The following RNF180 variants were observed in gnomAD, a reference collection of about 807,000 sequenced individuals.
RNF180 encodes the protein ring finger protein 180, also known as E3 ubiquitin-protein ligase RNF180.
A neutral mutation model predicts 59.2 loss-of-function variants in RNF180; 38 were observed. The observed-to-expected ratio is 0.64, with a 90% CI of 0.50 to 0.84. The LOEUF is 0.84. Ranked by LOEUF, RNF180 falls within the 40% of genes least tolerant of loss-of-function variation. The probability of loss-of-function intolerance (pLI) is 0.00; values close to 1 mark genes in which losing one functional copy is unlikely to be tolerated. For synonymous variants in RNF180, 262 were observed against 240.3 expected, an observed-to-expected ratio of 1.09 and a Z score of -0.84; for missense variants, 705 against 700.9, an observed-to-expected ratio of 1.01 and a Z score of -0.07.
intron 1 of RNF180, among the ~76,000 whole-genome samples, chr5:64,180,116 G>A (rs1327740600): frequency 6.6e-6 from 1 of 152,078 alleles, no homozygotes; most frequent in East Asian, 1.9e-4. Context: ...AGAATTAATT[G>A]TAGCTATTAA....
Position 64,194,274 on chromosome 5 carries a change from G to A in RNF180, c.1-6534G>A, listed in dbSNP as rs533541713. ...GCAGTGTTTGGTTTTTTGTCCTTGC[G>A]ATAGTTTGCTGAGAATGATGGTTTC... is the stretch of plus-strand genomic sequence containing the variant. On this transcript the variant is annotated intron_variant, in intron 1 of 7. Transcript: ENST00000389100. Among the ~76,000 whole-genome samples the A allele has an allele frequency of 1.6e-3, 240 of 152,040 alleles. 1 individual carries two copies. Among genetic ancestry groups the A allele is most frequent in the African/African-American group, 5.4e-3 (223 of 41,454 alleles).
intron 2 of RNF180, among the ~76,000 whole-genome samples, chr5:64,202,836 A>G (rs553928823): frequency 9.9e-5 from 15 of 152,184 alleles, no homozygotes; most frequent in Non-Finnish European, 2.1e-4. Flanking sequence ...TATCATCTCC[A>G]TTTGCTAGAT....
chr5:64,359,577 C>T (rs1336937699), intron 7 of RNF180, among the ~76,000 whole-genome samples: 3 of 151,798 alleles, frequency 2.0e-5, no homozygotes, highest in East Asian at 1.9e-4. Flanking sequence ...TTCTCCCATT[C>T]TGTAGGTTGC....
intron 5 of RNF180, among the ~76,000 whole-genome samples, chr5:64,305,632 G>A (rs975945165): frequency 2.6e-5 from 4 of 151,396 alleles, no homozygotes; most frequent in Non-Finnish European, 4.4e-5. Flanking sequence ...ACATATTTCA[G>A]ACTATGTTAC....
rs1171637074 is a variant in RNF180 at position 64,234,578 on chromosome 5, CTTTTTTTTTTTTTTTTTTTT to C, written c.1227+17202_1227+17221del. ...GCTTTCCAAATGGCAGTTACCCGTTCTTTTTTTTTTTTTTTTTTTTTTTTTTTTTTTTTTTTTTTGAGAAG... is the reference window on the plus strand; with the variant it reads ...GCTTTCCAAATGGCAGTTACCCGTTCTTTTTTTTTTTTTTTTTTTGAGAAG... On this transcript the variant is annotated intron_variant, in intron 5 of 7. Transcript: ENST00000389100. 2.9e-4 allele frequency among the ~76,000 whole-genome samples: 14 copies of C among 48,522 alleles called. No individual in the cohort carries two copies. In the East Asian group the frequency reaches 3.1e-3, roughly 11 times the overall value. 31.8% of individuals were successfully genotyped at this position (48,522 alleles called of 152,430 possible).
chr5:64,359,711 A>G (rs1386179905), intron 7 of RNF180, among the ~76,000 whole-genome samples: 2 of 151,854 alleles, frequency 1.3e-5, no homozygotes, highest in African/African-American at 2.4e-5. Context: ...GTCCTTGCCC[A>G]TGCCTATGTC....
At chr5:64,185,682 A>G (rs1391509464) in intron 1 of RNF180, among the ~76,000 whole-genome samples, 2 of 152,200 alleles carry the variant, frequency 1.3e-5, no homozygotes, top group African/African-American at 4.8e-5. Context: ...CCACAAATTC[A>G]TTTCAGCAAC....
intron 5 of RNF180, among the ~76,000 whole-genome samples, chr5:64,320,177 T>G (rs755255065): frequency 1.2e-4 from 18 of 152,338 alleles, no homozygotes; most frequent in Non-Finnish European, 2.5e-4. Flanking sequence ...GTGAACATTA[T>G]AATTGTTACT....
At chr5:64,276,583 G>A (rs539448013) in intron 5 of RNF180, among the ~76,000 whole-genome samples, 3 of 151,980 alleles carry the variant, frequency 2.0e-5, no homozygotes, top group Admixed American at 2.0e-4. Flanking sequence ...TGCTGGGGAG[G>A]CTGAAAAATG....
intron 5 of RNF180, among the ~76,000 whole-genome samples, chr5:64,232,774 G>T (rs1411680372): frequency 6.6e-6 from 1 of 152,182 alleles, no homozygotes; most frequent in Non-Finnish European, 1.5e-5. Flanking sequence ...TGTCTACTGT[G>T]TGCCAGGTAC....
chr5:64,183,446 T>G (rs913139708), intron 1 of RNF180, among the ~76,000 whole-genome samples: 1 of 135,216 alleles, frequency 7.4e-6, no homozygotes, highest in Non-Finnish European at 1.6e-5. Context: ...TATACCTTTT[T>G]TTTTTTTTTT....
At chr5:64,339,028 G>T (rs1368561884) in intron 7 of RNF180, among the ~76,000 whole-genome samples, 1 of 150,892 alleles carries the variant, frequency 6.6e-6, no homozygotes, top group African/African-American at 2.4e-5. Context: ...ATATCTTTTT[G>T]CTGAGAATTT....
At chr5:64,197,515 A>G (rs959009241) in intron 1 of RNF180, among the ~76,000 whole-genome samples, 7 of 152,222 alleles carry the variant, frequency 4.6e-5, no homozygotes, top group Admixed American at 3.9e-4. Flanking sequence ...AATGGTGACA[A>G]TCTATACTAG....
chr5:64,250,741 G>A (rs1743512953), intron 5 of RNF180, among the ~76,000 whole-genome samples: 1 of 152,070 alleles, frequency 6.6e-6, no homozygotes, highest in African/African-American at 2.4e-5. Context: ...AAAAGCCTAG[G>A]ACCTGATGGC....
At chr5:64,335,733 C>T (rs1745098199) in intron 7 of RNF180, among the ~76,000 whole-genome samples, 2 of 152,034 alleles carry the variant, frequency 1.3e-5, no homozygotes, top group South Asian at 4.1e-4. Context: ...GCAAGAGTGT[C>T]TTGGCCATTT....
At chr5:64,247,916 G>T (rs1267057706) in intron 5 of RNF180, among the ~76,000 whole-genome samples, 1 of 152,080 alleles carries the variant, frequency 6.6e-6, no homozygotes, top group African/African-American at 2.4e-5. Context: ...CAGATATATA[G>T]ACCAATGGAA....
chr5:64,345,420 A>G (rs1745516560), intron 7 of RNF180, among the ~76,000 whole-genome samples: 1 of 152,208 alleles, frequency 6.6e-6, no homozygotes, highest in Non-Finnish European at 1.5e-5. Context: ...CCATAGGGGT[A>G]TTTCTTGGTC....
intron 5 of RNF180, among the ~76,000 whole-genome samples, chr5:64,226,983 G>A (rs186796624): frequency 5.9e-5 from 9 of 152,286 alleles, no homozygotes; most frequent in East Asian, 5.8e-4. Context: ...GGAGAAACCC[G>A]GCTGACTCCC....
At chr5:64,233,570 A>G (rs1005037878) in intron 5 of RNF180, among the ~76,000 whole-genome samples, 1 of 152,234 alleles carries the variant, frequency 6.6e-6, no homozygotes, top group Non-Finnish European at 1.5e-5. Flanking sequence ...GCCACTGAGA[A>G]GAAGCTATAG....
Sources: allele counts gnomAD v4.1 joint callset (sites outside exome capture counted in the v4.1 genomes callset), GRCh38; gene constraint gnomAD v4.1.1; transcripts MANE v1.5; gene names NCBI Gene and HGNC (gene_info 2026-07-23, HGNC 2026-07-21).